SH2D3C: variants seen among roughly 807,000 people sequenced by gnomAD.
The protein encoded by SH2D3C is SH2 domain-containing protein 3C.
Under a neutral mutation model 75.2 loss-of-function variants are expected in SH2D3C, and 25 were observed. The observed-to-expected ratio is 0.33, with a 90% confidence interval of 0.24 to 0.46. The LOEUF (loss-of-function observed/expected upper bound fraction) is 0.46. Among genes scored for constraint, SH2D3C ranks in the 20% least tolerant of loss-of-function variants. SH2D3C has a pLI of 1.00. For missense variants in SH2D3C, 933 were observed against 1,165.3 expected (o/e 0.80, Z 2.90); for synonymous variants, 450 against 473.7 (o/e 0.95, Z 0.65).
chr9:127,744,809 T>G lies in SH2D3C; in HGVS notation c.1555A>C (p.Arg519=). 6.2e-7 allele frequency: 1 copy of G among 1,614,220 alleles called. No individual in the cohort carries two copies. The highest frequency in any genetic ancestry group is 1.3e-5 in the African/African-American group (1 of 75,068). Residue 519 remains arginine (R), a synonymous_variant, in exon 7 of 12, where the codon AGG becomes CGG. Coordinates refer to ENST00000314830, the MANE Select transcript of SH2D3C (RefSeq NM_170600.3). ...TCCTTTAGCCTCTCCCCATAGCTCC[T>G]GGCCTGCTGGCTGGAGGTCTCAGTC... ...AATETSSQQA[R]SYGERLKELS...
Position 127,739,674 on chromosome 9 carries a change from C to CCGG in SH2D3C, c.2407+7_2407+8insCCG, listed in dbSNP as rs375388246. ...TGCAAGCCCCCCAAGATGCCACCCG[C>CCGG]CACTCACCCTGCAGCTTGACTTCAG... On this transcript the variant is annotated splice_region_variant and intron_variant, in intron 11 of 11. Transcript: ENST00000314830. The surrounding 1 kb of genome is among the most constrained non-coding windows in gnomAD (Gnocchi z 4.3). 4 of 1,594,712 alleles carry CCGG rather than the reference C, an allele frequency of 2.5e-6. No homozygotes were observed. The highest frequency in any genetic ancestry group is 2.7e-5 in the African/African-American group (2 of 74,702).
In SH2D3C at chr9:127,747,336, A is replaced by AC. The variant is rs1451049934; in HGVS notation, c.1140-66dup. The AC allele has an allele frequency of 3.0e-5, 45 of 1,504,616 alleles. 1 individual carries two copies. The East Asian group carries it at 9.4e-4, about 31-fold the overall frequency. The allele number at this position is 1,504,616 out of a possible 1,614,324, so 93.2% of individuals were successfully genotyped here. ...TCAGGGGCCTCAGCCTGCCTCTGGGACCCCCCACCTCTGCACCTTGAACTT... is the reference window on the plus strand; with the variant it reads ...TCAGGGGCCTCAGCCTGCCTCTGGGACCCCCCCACCTCTGCACCTTGAACTT... On this transcript the variant is annotated intron_variant, in intron 5 of 11. Transcript: ENST00000314830.
chr9:127,775,559 G>A (rs1219465729), intron 1 of SH2D3C, among the ~76,000 whole-genome samples: 1 of 151,558 alleles, frequency 6.6e-6, no homozygotes, highest in Non-Finnish European at 1.5e-5. Context: ...TCCTGGAGGT[G>A]GAGGTTGCAG....
chr9:127,764,574 C>T (rs1845597472), intron 2 of SH2D3C, among the ~76,000 whole-genome samples: 2 of 152,194 alleles, frequency 1.3e-5, no homozygotes, highest in Admixed American at 6.5e-5. Flanking sequence ...TGGCCCACCA[C>T]ACTCCCCCTC....
chr9:127,747,329 C>T (rs1845061830), intron 5 of SH2D3C, 58 bp from the exon 6 acceptor site: 1 of 1,545,524 alleles, frequency 6.5e-7, no homozygotes, highest in African/African-American at 1.4e-5. Flanking sequence ...CTCAGCCTGC[C>T]TCTGGGACCC....
rs566617385 is a variant in SH2D3C, at chr9:127,768,749, C to T, written c.515+5241G>A. Among the ~76,000 whole-genome samples the T allele has an allele frequency of 1.6e-3, 251 of 152,300 alleles. 2 individuals carry two copies. Among genetic ancestry groups the T allele is most frequent in the African/African-American group, 5.8e-3 (240 of 41,564 alleles). On this transcript the variant is annotated intron_variant, in intron 2 of 11. Transcript: ENST00000314830. ...CTTCCAGGCCCTACGTTATCTGCTC[C>T]CATTTCCATCCCAGCCTCCCAGCCC...
At chr9:127,776,099 G>A (rs1845804834) in intron 1 of SH2D3C, among the ~76,000 whole-genome samples, 2 of 152,080 alleles carry the variant, frequency 1.3e-5, no homozygotes, top group African/African-American at 4.8e-5. Context: ...AAAGTGTTGG[G>A]ATTACAGGGG....
In SH2D3C at chr9:127,751,909, G is replaced by A. The variant is rs1195361335; in HGVS notation, c.556-609C>T. ...GGATGGTGCATTCTACAATGCAAGG[G>A]TGGGGAAGGGACTATAAACAGGGAC... On this transcript the variant is annotated intron_variant, in intron 3 of 11. Transcript: ENST00000314830. This position sits in a 1 kb window ranked among gnomAD's most constrained non-coding sequence, Gnocchi z 4.1. Among the ~76,000 whole-genome samples the A allele has an allele frequency of 1.3e-5, 2 of 152,154 alleles. No individual in the cohort carries two copies. Among genetic ancestry groups the A allele is most frequent in the East Asian group, 3.8e-4 (2 of 5,204 alleles).
At chr9:127,777,591 A>G (rs7847146) in intron 1 of SH2D3C, among the ~76,000 whole-genome samples, 18,929 of 150,752 alleles carry the variant, frequency 0.13, 3,007 homozygotes, top group African/African-American at 0.38. Flanking sequence ...TCCCCACCTG[A>G]GATCCCATGT....
chr9:127,774,347 GT>G lies in SH2D3C; in HGVS notation c.157del (p.Thr53ArgfsTer6), dbSNP rs1564426749. On this transcript the variant is annotated frameshift_variant, in exon 2 of 12. Coordinates refer to ENST00000314830, the MANE Select transcript of SH2D3C (RefSeq NM_170600.3). LOFTEE classifies it high-confidence loss of function. The surrounding 1 kb of genome is among the most constrained non-coding windows in gnomAD (Gnocchi z 4.3). The stretch of plus-strand genomic sequence containing the variant: ...GGGCACCGTCACCATGTCATCCTGC[GT>G]GGCTTCAAAGGTGTCAGGCTCCAAA... ...SHLEPDTFEA[T>X]QDDMVTVPKS... 1 of 1,613,760 alleles carries G rather than the reference GT, an allele frequency of 6.2e-7. No homozygotes were observed. The highest frequency in any genetic ancestry group is 1.1e-5 in the South Asian group (1 of 91,086).
chr9:127,774,526 A>G lies in SH2D3C; in HGVS notation c.38-59T>C. On this transcript the variant is annotated intron_variant, in intron 1 of 11. Coordinates refer to ENST00000314830, the MANE Select transcript of SH2D3C (RefSeq NM_170600.3). This position sits in a 1 kb window ranked among gnomAD's most constrained non-coding sequence, Gnocchi z 4.3. ...TGACAATGTCAACATCAGTGATAAT[A>G]ATGAACAATTCCTGCAGTTTCACTC... 1 of 895,660 alleles carries G rather than the reference A, an allele frequency of 1.1e-6. No homozygotes were observed. Among genetic ancestry groups the G allele is most frequent in the South Asian group, 1.5e-5 (1 of 68,528 alleles). 55.5% of individuals were successfully genotyped at this position (895,660 alleles called of 1,614,324 possible). A position where few individuals can be genotyped will look rare whatever the true frequency, so the allele number is the denominator to read the frequency against.
chr9:127,760,512 G>A (rs1364545945), intron 3 of SH2D3C, among the ~76,000 whole-genome samples: 1 of 152,048 alleles, frequency 6.6e-6, no homozygotes, highest in Non-Finnish European at 1.5e-5. Flanking sequence ...GTTGATGGGT[G>A]CAGCAAACCA....
intron 1 of SH2D3C, among the ~76,000 whole-genome samples, chr9:127,775,858 T>G (rs1290811771): frequency 1.3e-5 from 2 of 151,838 alleles, no homozygotes; most frequent in Non-Finnish European, 2.9e-5. Context: ...AGACAGAGTC[T>G]CGCTCTGTCA....
chr9:127,749,099 C>A lies in SH2D3C; in HGVS notation c.1139+112G>T. 1.2e-6 allele frequency: 1 copy of A among 832,422 alleles called. No homozygotes were observed. The highest frequency in any genetic ancestry group is 1.9e-6 in the Non-Finnish European group (1 of 529,766). The allele number at this position is 832,422 out of a possible 1,614,324, so 51.6% of individuals were successfully genotyped here. On this transcript the variant is annotated intron_variant, in intron 5 of 11. Transcript: ENST00000314830. This position sits in a 1 kb window ranked among gnomAD's most constrained non-coding sequence, Gnocchi z 5.9. ...CCTTCCTCCCATTCCTCCCTGCACA[C>A]AGAGGCTCCAGGAGAGTAATTTCAT... is the stretch of plus-strand genomic sequence containing the variant.
At position 127,774,061 on chromosome 9, in the gene SH2D3C, G is replaced by A. The variant is rs766990169; in HGVS notation, c.444C>T (p.Pro148=). Residue 148 remains proline (P), a synonymous_variant, in exon 2 of 12, where the codon CCC becomes CCT. Coordinates refer to ENST00000314830, the MANE Select transcript of SH2D3C (RefSeq NM_170600.3). This position sits in a 1 kb window ranked among gnomAD's most constrained non-coding sequence, Gnocchi z 4.3. ...CTGTGGGGACCTCAGGCTTTCTGATGGGGTCTACCTCCACTGCTGAAGGGT... is the reference window on the plus strand; with the variant it reads ...CTGTGGGGACCTCAGGCTTTCTGATAGGGTCTACCTCCACTGCTGAAGGGT... The part of the protein sequence containing the change: ...EPNPSAVEVD[P]IRKPEVPTGD... 3.0e-5 allele frequency: 49 copies of A among 1,614,060 alleles called. No individual in the cohort carries two copies. Among genetic ancestry groups the A allele is most frequent in the Non-Finnish European group, 3.4e-5 (40 of 1,180,030 alleles).
intron 3 of SH2D3C, among the ~76,000 whole-genome samples, chr9:127,752,927 G>A (rs1845241005): frequency 6.6e-6 from 1 of 152,154 alleles, no homozygotes; most frequent in Non-Finnish European, 1.5e-5. Flanking sequence ...TTCTGCTGAG[G>A]TCTGAAGGAC....
intron 3 of SH2D3C, among the ~76,000 whole-genome samples, chr9:127,756,328 CTT>C (rs1845378343): frequency 6.6e-6 from 1 of 152,194 alleles, no homozygotes; most frequent in African/African-American, 2.4e-5. Context: ...AGAAACTGGA[CTT>C]TTTGTCTCAG....
At chr9:127,761,552 T>G (rs1588516194) in intron 3 of SH2D3C, 59 bp downstream of exon 3, 1 of 1,261,646 alleles carries the variant, frequency 7.9e-7, no homozygotes. Flanking sequence ...CCACCCGTAA[T>G]GGAGCAGGCT....
intron 4 of SH2D3C, among the ~76,000 whole-genome samples, chr9:127,750,349 T>C (rs1412526977): frequency 6.6e-6 from 1 of 152,024 alleles, no homozygotes; most frequent in Non-Finnish European, 1.5e-5. Flanking sequence ...GAGACGAGGT[T>C]TCACCATGTG....
Sources: allele counts gnomAD v4.1 joint callset (sites outside exome capture counted in the v4.1 genomes callset), GRCh38; gene constraint gnomAD v4.1.1; non-coding constraint Gnocchi (gnomAD v3.1); transcripts MANE v1.5; gene names NCBI Gene and HGNC (gene_info 2026-07-23, HGNC 2026-07-21).